The following GABBR1 variants were observed in gnomAD, a reference collection of about 807,000 sequenced individuals.
GABBR1 encodes gamma-aminobutyric acid type B receptor subunit 1.
In GABBR1, 35 loss-of-function variants were observed where a neutral mutation model predicts 117.7. The ratio of observed to expected loss-of-function variants is 0.30; its 90% CI spans 0.23 to 0.39. GABBR1 has a LOEUF of 0.39. Among genes scored for constraint, GABBR1 ranks in the 10% least tolerant of loss-of-function variants. GABBR1 has a pLI of 1.00. For synonymous variants in GABBR1, 442 were observed against 486.6 expected, an observed-to-expected ratio of 0.91 and a Z score of 1.21; for missense variants, 709 against 1,241.8, an observed-to-expected ratio of 0.57 and a Z score of 6.45.
rs1763976935 is a variant in GABBR1 at position 29,623,594 on chromosome 6, C to A, written c.793-119G>T. 1.0e-6 allele frequency: 1 copy of A among 978,818 alleles called. No individual in the cohort carries two copies. The highest frequency in any genetic ancestry group is 1.6e-5 in the African/African-American group (1 of 61,222). The allele number at this position is 978,818 out of a possible 1,614,324, so 60.6% of individuals were successfully genotyped here. The stretch of plus-strand genomic sequence containing the variant: ...TTTCTCTTCCTTACTCTCTCCAAAC[C>A]TCCCCACCTCTGGTCTGCCTAAGGA... On this transcript the variant is annotated intron_variant, in intron 7 of 22. Transcript: ENST00000377034. This position sits in a 1 kb window ranked among gnomAD's most constrained non-coding sequence, Gnocchi z 6.2.
At chr6:29,628,086 C>A (rs1583017772) in intron 5 of GABBR1, 1 of 417,718 alleles carries the variant, frequency 2.4e-6, no homozygotes, top group Non-Finnish European at 3.0e-6. Flanking sequence ...TCACGGGCGG[C>A]GCGCGGCAGC....
rs1761714440 is a variant in GABBR1, at chr6:29,604,273, G to T, written c.2712+221C>A. On this transcript the variant is annotated intron_variant, in intron 22 of 22. Transcript: ENST00000377034. The surrounding 1 kb of genome is among the most constrained non-coding windows in gnomAD (Gnocchi z 5.3). Reference sequence around the variant, plus strand: ...CTCCCACTCCAGAGCCCTTCCACCTGCCAGGCCAACACTGGATTTTGCCTG... The same window carrying T: ...CTCCCACTCCAGAGCCCTTCCACCTTCCAGGCCAACACTGGATTTTGCCTG... Among the ~76,000 whole-genome samples, 1 of 152,102 alleles carries T rather than the reference G, an allele frequency of 6.6e-6. No homozygotes were observed. The highest frequency in any genetic ancestry group is 2.1e-4 in the South Asian group (1 of 4,830).
Position 29,611,416 on chromosome 6 carries a change from C to T in GABBR1, c.1631-415G>A, listed in dbSNP as rs993918086. On this transcript the variant is annotated intron_variant, in intron 13 of 22. Coordinates refer to ENST00000377034, the MANE Select transcript of GABBR1 (RefSeq NM_001470.4). This position sits in a 1 kb window ranked among gnomAD's most constrained non-coding sequence, Gnocchi z 4.6. ...AGTGGCTTTCATTTTAATTTTAGAA[C>T]ATTCTCTTCTGTTGGCTTGGGTTTT... Among the ~76,000 whole-genome samples the T allele has an allele frequency of 5.9e-5, 9 of 152,226 alleles. No homozygotes were observed. The highest frequency in any genetic ancestry group is 1.2e-4 in the Non-Finnish European group (8 of 68,044).
intron 16 of GABBR1, 125 bp downstream of exon 16, chr6:29,608,476 A>T: frequency 9.9e-7 from 1 of 1,011,002 alleles, no homozygotes; most frequent in East Asian, 2.5e-5. Context: ...GCTAGAAGGA[A>T]AGAACAGGGA....
chr6:29,618,333 C>G (rs1763389658), intron 11 of GABBR1, among the ~76,000 whole-genome samples: 2 of 152,218 alleles, frequency 1.3e-5, no homozygotes, highest in Admixed American at 1.3e-4. Flanking sequence ...ACCACTGCTC[C>G]TGCCACCCCA....
In GABBR1 at chr6:29,613,130, T is replaced by TA. The variant is rs28383805; in HGVS notation, c.1566+112_1566+113insT. 0.088 allele frequency: 103,359 copies of TA among 1,170,466 alleles called. 5,105 individuals are homozygous for TA. Among genetic ancestry groups the TA allele is most frequent in the Middle Eastern group, 0.15 (728 of 4,778 alleles). The allele number at this position is 1,170,466 out of a possible 1,614,324, so 72.5% of individuals were successfully genotyped here. On this transcript the variant is annotated intron_variant, in intron 12 of 22. Coordinates refer to ENST00000377034, the MANE Select transcript of GABBR1 (RefSeq NM_001470.4). The surrounding 1 kb of genome is among the most constrained non-coding windows in gnomAD (Gnocchi z 4.1). ...CCTACTTCTCTGGTCGGAGACTGAT[T>TA]CTGCAAAGAAGTAACTGAGAAAAAC... is the stretch of plus-strand genomic sequence containing the variant.
At position 29,632,128 on chromosome 6, in the gene GABBR1, CGT is replaced by C. The variant is rs1308171488; in HGVS notation, c.85+171_85+172del. Among the ~76,000 whole-genome samples, 1 of 151,836 alleles carries C rather than the reference CGT, an allele frequency of 6.6e-6. No homozygotes were observed. On this transcript the variant is annotated intron_variant, in intron 2 of 22. Coordinates refer to ENST00000377034, the MANE Select transcript of GABBR1 (RefSeq NM_001470.4). The surrounding 1 kb of genome is among the most constrained non-coding windows in gnomAD (Gnocchi z 5.8). The stretch of plus-strand genomic sequence containing the variant: ...AGAGAAAAGAGGTGCTGGATAGTAA[CGT>C]GGGGTGACAGAAGGAGGTCAGCAGT...
intron 13 of GABBR1, 93 bp downstream of exon 13, chr6:29,612,458 C>A: frequency 2.0e-6 from 2 of 1,021,200 alleles, no homozygotes; most frequent in Non-Finnish European, 3.0e-6. Context: ...CCAGGGCAAT[C>A]TTGTGATGTC....
rs776272854 is a variant in GABBR1, at chr6:29,620,260, CCA to C, written c.1323+839_1323+840del. On this transcript the variant is annotated intron_variant, in intron 11 of 22. Transcript: ENST00000377034. This position sits in a 1 kb window ranked among gnomAD's most constrained non-coding sequence, Gnocchi z 4.5. The stretch of plus-strand genomic sequence containing the variant: ...ATCCCTGAAATCATGAATCTAAGTA[CCA>C]CACAAATGCCACTGTTAGTAAAACT... 6.6e-6 allele frequency among the ~76,000 whole-genome samples: 1 copy of C among 152,190 alleles called. No homozygotes were observed. The highest frequency in any genetic ancestry group is 1.5e-5 in the Non-Finnish European group (1 of 68,042).
chr6:29,630,098 G>T lies in GABBR1; in HGVS notation c.475+360C>A, dbSNP rs1267484718. 1.7e-5 allele frequency: 4 copies of T among 236,808 alleles called. No homozygotes were observed. The highest frequency in any genetic ancestry group is 2.4e-5 in the Non-Finnish European group (3 of 123,010). 14.7% of individuals were successfully genotyped at this position (236,808 alleles called of 1,614,324 possible). A position where few individuals can be genotyped will look rare whatever the true frequency, so the allele number is the denominator to read the frequency against. ...TGGTGAGGGATGAATTCTAGAAGAGGGTGATGCATGGAAATTTCTAAGTTT... is the reference window on the plus strand; with the variant it reads ...TGGTGAGGGATGAATTCTAGAAGAGTGTGATGCATGGAAATTTCTAAGTTT... On this transcript the variant is annotated intron_variant, in intron 4 of 22. Transcript: ENST00000377034. The surrounding 1 kb of genome is among the most constrained non-coding windows in gnomAD (Gnocchi z 4.9).
rs1393115924 is a variant in GABBR1, at chr6:29,623,804, C to T, written c.792+86G>A. 1.3e-6 allele frequency: 2 copies of T among 1,485,492 alleles called. No individual in the cohort carries two copies. The highest frequency in any genetic ancestry group is 2.8e-5 in the African/African-American group (2 of 71,890). The allele number at this position is 1,485,492 out of a possible 1,614,324, so 92.0% of individuals were successfully genotyped here. ...GTAGCAGGTCCTCCACACTCCTTTT[C>T]AATACAAACCCACAATCGCCATCGT... On this transcript the variant is annotated intron_variant, in intron 7 of 22. Coordinates refer to ENST00000377034, the MANE Select transcript of GABBR1 (RefSeq NM_001470.4). The surrounding 1 kb of genome is among the most constrained non-coding windows in gnomAD (Gnocchi z 6.2).
At position 29,603,777 on chromosome 6, in the gene GABBR1, G is replaced by A. The variant is rs954396718; in HGVS notation, c.2713-61C>T. 36 of 1,277,478 alleles carry A rather than the reference G, an allele frequency of 2.8e-5. 1 individual carries two copies. Among genetic ancestry groups the A allele is most frequent in the Non-Finnish European group, 3.6e-5 (35 of 972,576 alleles). The allele number at this position is 1,277,478 out of a possible 1,614,324, so 79.1% of individuals were successfully genotyped here. ...GAGGAGGTGATGAAGGAGTGGGGAG[G>A]AGGGAAAGAGAGGAAGGGCACAGGG... On this transcript the variant is annotated intron_variant, in intron 22 of 22. Coordinates refer to ENST00000377034, the MANE Select transcript of GABBR1 (RefSeq NM_001470.4).
intron 11 of GABBR1, among the ~76,000 whole-genome samples, chr6:29,616,509 C>T: frequency 6.6e-6 from 1 of 151,590 alleles, no homozygotes; most frequent in Non-Finnish European, 1.5e-5. Flanking sequence ...CATGGTGAAA[C>T]CCCATGTCCA....
chr6:29,610,578 G>A (rs1342882157), intron 14 of GABBR1, among the ~76,000 whole-genome samples: 1 of 152,134 alleles, frequency 6.6e-6, no homozygotes, highest in African/African-American at 2.4e-5. Flanking sequence ...CTCTGGGCTT[G>A]AAGTAGCTGG....
chr6:29,605,007 T>G lies in GABBR1; in HGVS notation c.2440-19A>C, dbSNP rs936340123. The G allele has an allele frequency of 6.9e-6, 11 of 1,600,490 alleles. No individual in the cohort carries two copies. Among genetic ancestry groups the G allele is most frequent in the Non-Finnish European group, 9.4e-6 (11 of 1,174,324 alleles). The stretch of plus-strand genomic sequence containing the variant: ...ACAGGACCTAGAGGGAAAGACACAT[T>G]GAGGGAGTCTCAGGTCTGCAGGCTC... On this transcript the variant is annotated intron_variant, in intron 20 of 22. Transcript: ENST00000377034. The surrounding 1 kb of genome is among the most constrained non-coding windows in gnomAD (Gnocchi z 4.2).
In GABBR1 at chr6:29,613,962, G is replaced by A. The variant is rs1032035163; in HGVS notation, c.1324-477C>T. Reference sequence around the variant, plus strand: ...GTCTTCTCACTCTGCTTGCCAGCCAGGAGGATATTTCTTCAGCATGCTAAC... The same window carrying A: ...GTCTTCTCACTCTGCTTGCCAGCCAAGAGGATATTTCTTCAGCATGCTAAC... On this transcript the variant is annotated intron_variant, in intron 11 of 22. Transcript: ENST00000377034. The surrounding 1 kb of genome is among the most constrained non-coding windows in gnomAD (Gnocchi z 4.1). Among the ~76,000 whole-genome samples the A allele has an allele frequency of 3.3e-5, 5 of 152,196 alleles. No homozygotes were observed. The highest frequency in any genetic ancestry group is 7.3e-5 in the Non-Finnish European group (5 of 68,030).
Position 29,626,293 on chromosome 6 carries a change from T to C in GABBR1, c.657+1193A>G, listed in dbSNP as rs563986780. 2.0e-5 allele frequency among the ~76,000 whole-genome samples: 3 copies of C among 152,292 alleles called. No individual in the cohort carries two copies. In the East Asian group the frequency reaches 5.8e-4, roughly 29 times the overall value. On this transcript the variant is annotated intron_variant, in intron 6 of 22. Coordinates refer to ENST00000377034, the MANE Select transcript of GABBR1 (RefSeq NM_001470.4). Reference sequence around the variant, plus strand: ...CCTATTTCTAGGTGTATAGTGATGTTCTAAAAATGAATATAAATCCTTGGA... The same window carrying C: ...CCTATTTCTAGGTGTATAGTGATGTCCTAAAAATGAATATAAATCCTTGGA...
Position 29,622,992 on chromosome 6 carries a change from C to T in GABBR1, c.963+313G>A, listed in dbSNP as rs964683286. Among the ~76,000 whole-genome samples, 5 of 151,136 alleles carry T rather than the reference C, an allele frequency of 3.3e-5. No individual in the cohort carries two copies. Among genetic ancestry groups the T allele is most frequent in the African/African-American group, 1.2e-4 (5 of 41,110 alleles). ...CCTTCCTGGATTCCTATCTCATCTT[C>T]GCTCCCATCTCTTGCCCCCACTTTG... is the stretch of plus-strand genomic sequence containing the variant. On this transcript the variant is annotated intron_variant, in intron 8 of 22. Transcript: ENST00000377034. This position sits in a 1 kb window ranked among gnomAD's most constrained non-coding sequence, Gnocchi z 4.6.
At position 29,603,700 on chromosome 6, in the gene GABBR1, G is replaced by A; in HGVS notation, c.2729C>T (p.Ser910Phe). 1 of 1,495,978 alleles carries A rather than the reference G, an allele frequency of 6.7e-7. No homozygotes were observed. The highest frequency in any genetic ancestry group is 1.4e-5 in the South Asian group (1 of 70,552). The allele number at this position is 1,495,978 out of a possible 1,614,324, so 92.7% of individuals were successfully genotyped here. Residue 910 changes from serine to phenylalanine, a missense_variant, in exon 23 of 23, where the codon TCT becomes TTT. Transcript: ENST00000377034. The part of the protein sequence containing the change: ...KIIAEKEERV[S>F]ELRHQLQSRQ... ...AGACTGGAGTTGATGGCGCAGTTCA[G>A]AGACACGCTCCTCTTTCTGGAGGAA...
Sources: allele counts gnomAD v4.1 joint callset (sites outside exome capture counted in the v4.1 genomes callset), GRCh38; gene constraint gnomAD v4.1.1; non-coding constraint Gnocchi (gnomAD v3.1); transcripts MANE v1.5; gene names NCBI Gene and HGNC (gene_info 2026-07-23, HGNC 2026-07-21).